The following OTOG variants were observed in gnomAD, a reference collection of about 807,000 sequenced individuals.
The protein encoded by OTOG is otogelin.
A neutral mutation model predicts 313.8 loss-of-function variants in OTOG; 296 were observed. The observed-to-expected ratio is 0.94, with a 90% CI of 0.86 to 1.04. The LOEUF is 1.04. OTOG is among the 50% of genes least tolerant of loss of function. The pLI is 0.00. For synonymous variants in OTOG, 1,533 were observed against 1,554.9 expected (o/e 0.99, Z 0.33); for missense variants, 3,948 against 3,840.1 (o/e 1.03, Z -0.74).
At chr11:17,605,699 G>C (rs578065272) in intron 32 of OTOG, among the ~76,000 whole-genome samples, 158 bp from the exon 33 acceptor site, 1 of 152,138 alleles carries the variant, frequency 6.6e-6, no homozygotes, top group African/African-American at 2.4e-5. Context: ...GGCAGGCAGA[G>C]TAGGTGGGCT....
At chr11:17,606,460 C>A (rs888248926) in intron 33 of OTOG, among the ~76,000 whole-genome samples, 1 of 152,342 alleles carries the variant, frequency 6.6e-6, no homozygotes, top group East Asian at 1.9e-4. Context: ...CATGCGTAGC[C>A]GCTGGCTCAG....
At chr11:17,594,584 G>A (rs933967241) in intron 28 of OTOG, among the ~76,000 whole-genome samples, 6 of 152,176 alleles carry the variant, frequency 3.9e-5, no homozygotes, top group African/African-American at 1.4e-4. Flanking sequence ...TTAAAGGCTG[G>A]GCCATGCTTA....
chr11:17,638,954 C>T (rs377025297), intron 48 of OTOG: 7 of 437,916 alleles, frequency 1.6e-5, no homozygotes, highest in African/African-American at 6.1e-5. Flanking sequence ...GAAAATCAGC[C>T]GGGCACGGTG....
chr11:17,636,246 C>T, intron 47 of OTOG, among the ~76,000 whole-genome samples: 1 of 152,132 alleles, frequency 6.6e-6, no homozygotes, highest in Non-Finnish European at 1.5e-5. Context: ...ATAGTATGTG[C>T]ATATCATGTA....
chr11:17,644,955 G>A (rs776384006), intron 54 of OTOG, among the ~76,000 whole-genome samples: 6 of 152,168 alleles, frequency 3.9e-5, no homozygotes, highest in Admixed American at 6.5e-5. Context: ...GGGCGTGAAT[G>A]AGCCACAAGA....
intron 28 of OTOG, among the ~76,000 whole-genome samples, chr11:17,595,808 G>C (rs1213970905): frequency 2.0e-5 from 3 of 152,166 alleles, no homozygotes; most frequent in African/African-American, 7.2e-5. Context: ...TCTCATGTTG[G>C]GAATCATGTG....
chr11:17,573,086 T>C lies in OTOG; in HGVS notation c.2089T>C (p.Ser697Pro). Residue 697 changes from serine (S) to proline (P), a missense_variant, in exon 19 of 56, where the codon TCA (serine) becomes CCA (proline). Physicochemically the swap from Ser to Pro is moderately conservative, Grantham distance 74. Coordinates refer to ENST00000399397, the MANE Select transcript of OTOG (RefSeq NM_001292063.2). ...TGTTCTTCCTTCCCCAGCCTCCTAC[T>C]CAGTGCAGGCCTGCAGCGTGCTCAC... is the stretch of plus-strand genomic sequence containing the variant. ...CDVHLQAASY[S>P]VQACSVLTGE... 6.5e-7 allele frequency: 1 copy of C among 1,547,078 alleles called. No homozygotes were observed. Among genetic ancestry groups the C allele is most frequent in the South Asian group, 1.2e-5 (1 of 84,000 alleles).
intron 36 of OTOG, among the ~76,000 whole-genome samples, chr11:17,611,834 G>A (rs1853558368): frequency 2.0e-5 from 3 of 146,368 alleles, no homozygotes; most frequent in Admixed American, 1.3e-4. Context: ...GTGTGTGTGT[G>A]TTTGTGTGTA....
At chr11:17,573,314 C>A in intron 19 of OTOG, 24 bp downstream of exon 19, 1 of 1,501,176 alleles carries the variant, frequency 6.7e-7, no homozygotes, top group Admixed American at 2.0e-5. Context: ...CCATGTGAGG[C>A]TGAGCTGGAG....
intron 28 of OTOG, among the ~76,000 whole-genome samples, 156 bp from the exon 29 acceptor site, chr11:17,595,882 G>T (rs1405386584): frequency 1.3e-5 from 2 of 152,162 alleles, no homozygotes; most frequent in African/African-American, 4.8e-5. Flanking sequence ...TTGAGGCAAG[G>T]TATAGGTCCC....
intron 23 of OTOG, 98 bp from the exon 24 acceptor site, chr11:17,586,376 G>A: frequency 1.6e-6 from 1 of 611,206 alleles, no homozygotes; most frequent in Non-Finnish European, 2.5e-6. Context: ...TAAATGCTGG[G>A]AGCCACCTCC....
Position 17,634,278 on chromosome 11 carries a change from TGTG to T in OTOG, c.7480+1_7480+3del. 14 of 1,549,958 alleles carry T rather than the reference TGTG, an allele frequency of 9.0e-6. No individual in the cohort carries two copies. The highest frequency in any genetic ancestry group is 1.2e-5 in the Non-Finnish European group (14 of 1,146,492). ...GGACCCCTGCTGCCTGGGGACTGTCTGTGGTGAGTGTCCACCTTCACTTCCTTG... is the reference window on the plus strand; with the variant it reads ...GGACCCCTGCTGCCTGGGGACTGTCTGTGAGTGTCCACCTTCACTTCCTTG... On this transcript the variant is annotated inframe_deletion and splice_region_variant, in exon 44 of 56. Coordinates refer to ENST00000399397, the MANE Select transcript of OTOG (RefSeq NM_001292063.2).
chr11:17,633,897 T>C, intron 43 of OTOG, 23 bp downstream of exon 43: 1 of 1,507,986 alleles, frequency 6.6e-7, no homozygotes. Flanking sequence ...CCTCCCTGAG[T>C]GGGGGGCCTC....
rs375732422 is a variant in OTOG at position 17,625,589 on chromosome 11, C to T, written c.6529-3544C>T. The stretch of plus-strand genomic sequence containing the variant: ...TATTGAGGATTTTTGCATCACTGTT[C>T]ATGTCTTCTTTTGAGAAATGTCTAT... On this transcript the variant is annotated intron_variant, in intron 39 of 55. Coordinates refer to ENST00000399397, the MANE Select transcript of OTOG (RefSeq NM_001292063.2). 3.3e-5 allele frequency among the ~76,000 whole-genome samples: 5 copies of T among 152,250 alleles called. No individual in the cohort carries two copies. In the South Asian group the frequency reaches 8.3e-4, roughly 25 times the overall value.
At chr11:17,579,922 A>C (rs981888806) in intron 23 of OTOG, among the ~76,000 whole-genome samples, 1 of 152,186 alleles carries the variant, frequency 6.6e-6, no homozygotes, top group Non-Finnish European at 1.5e-5. Flanking sequence ...AGGAGCTTAC[A>C]CACATGCCTC....
At chr11:17,588,154 C>G (rs1179112064) in intron 24 of OTOG, among the ~76,000 whole-genome samples, 3 of 152,178 alleles carry the variant, frequency 2.0e-5, no homozygotes, top group Non-Finnish European at 4.4e-5. Context: ...GGTGGATGTC[C>G]TCTCTTCCAT....
At chr11:17,635,538 C>T in intron 46 of OTOG, 72 bp from the exon 47 acceptor site, 1 of 1,265,450 alleles carries the variant, frequency 7.9e-7, no homozygotes, top group African/African-American at 1.5e-5. Context: ...AGGCCCCACC[C>T]CCAGCAACGT....
At chr11:17,574,154 C>T (rs1852464455) in intron 19 of OTOG, among the ~76,000 whole-genome samples, 1 of 152,142 alleles carries the variant, frequency 6.6e-6, no homozygotes, top group Non-Finnish European at 1.5e-5. Context: ...TCTACTGGAT[C>T]CCACAGAGTG....
rs1277373848 is a variant in OTOG, at chr11:17,559,082, G to T, written c.1134G>T (p.Arg378=). The part of the protein sequence containing the change: ...QSMGDVATWC[R]ALAEYARACA... ...TGGGTGATGTAGCCACCTGGTGCCGGGCACTGGCGGAGTATGCCCGGGCGT... is the reference window on the plus strand; with the variant it reads ...TGGGTGATGTAGCCACCTGGTGCCGTGCACTGGCGGAGTATGCCCGGGCGT... The change falls in exon 11 of 56, where the codon CGG becomes CGT. Residue 378 remains arginine (R), a synonymous_variant. Coordinates refer to ENST00000399397, the MANE Select transcript of OTOG (RefSeq NM_001292063.2). 22 of 1,547,406 alleles carry T rather than the reference G, an allele frequency of 1.4e-5. No individual in the cohort carries two copies. The highest frequency in any genetic ancestry group is 2.0e-5 in the Admixed American group (1 of 50,986).
Sources: allele counts gnomAD v4.1 joint callset (sites outside exome capture counted in the v4.1 genomes callset), GRCh38; gene constraint gnomAD v4.1.1; transcripts MANE v1.5; gene names NCBI Gene and HGNC (gene_info 2026-07-23, HGNC 2026-07-21).